The following TAX1BP1 variants were observed in gnomAD, a reference collection of about 807,000 sequenced individuals.
The protein encoded by TAX1BP1 is Tax1 binding protein 1.
In TAX1BP1, 62 loss-of-function variants were observed where a neutral mutation model predicts 97.7. The ratio of observed to expected loss-of-function variants is 0.63; its 90% CI spans 0.52 to 0.78. The LOEUF (loss-of-function observed/expected upper bound fraction) is 0.78. Among genes scored for constraint, TAX1BP1 ranks in the 30% least tolerant of loss-of-function variants. TAX1BP1 has a pLI of 0.00. For missense variants in TAX1BP1, 867 were observed against 916.1 expected, an observed-to-expected ratio of 0.95 and a Z score of 0.69; for synonymous variants, 340 against 304.2, an observed-to-expected ratio of 1.12 and a Z score of -1.23.
At chr7:27,753,660 A>G (rs1788102530) in intron 2 of TAX1BP1, among the ~76,000 whole-genome samples, 2 of 152,204 alleles carry the variant, frequency 1.3e-5, no homozygotes, top group South Asian at 4.1e-4. Context: ...AAATAGAACA[A>G]TTGTAACATG....
At chr7:27,817,803 T>G (rs1790834559) in intron 15 of TAX1BP1, among the ~76,000 whole-genome samples, 1 of 152,172 alleles carries the variant, frequency 6.6e-6, no homozygotes. Flanking sequence ...AAGAAATGCT[T>G]TATCGTGCTC....
rs201683008 is a variant in TAX1BP1, at chr7:27,770,360, CATT to C, written c.612+527_612+529del. Among the ~76,000 whole-genome samples the C allele has an allele frequency of 4.1e-3, 630 of 152,122 alleles. 4 individuals carry two copies. The highest frequency in any genetic ancestry group is 0.014 in the African/African-American group (599 of 41,540). On this transcript the variant is annotated intron_variant, in intron 5 of 16. Coordinates refer to ENST00000396319, the MANE Select transcript of TAX1BP1 (RefSeq NM_006024.7). ...GAGACAGGTACAATGAAGCAGAAAA[CATT>C]GTGGCTTCATTAGTGATAGAAATAG...
intron 5 of TAX1BP1, chr7:27,772,156 T>TG (rs954640008): frequency 2.0e-5 from 3 of 151,690 alleles, no homozygotes; most frequent in Admixed American, 2.0e-4. Flanking sequence ...CTTTTAGTTT[T>TG]TTTTTTTTTA....
intron 9 of TAX1BP1, 143 bp from the exon 10 acceptor site, chr7:27,792,923 C>G: frequency 1.5e-6 from 1 of 676,142 alleles, no homozygotes; most frequent in Non-Finnish European, 2.4e-6. Context: ...AATTGGGCCA[C>G]TGTGTTTCAG....
chr7:27,753,877 A>G (rs1292436323), intron 2 of TAX1BP1, among the ~76,000 whole-genome samples: 1 of 152,238 alleles, frequency 6.6e-6, no homozygotes, highest in African/African-American at 2.4e-5. Flanking sequence ...AAAACCACAC[A>G]AAGTGAAACC....
intron 13 of TAX1BP1, among the ~76,000 whole-genome samples, chr7:27,815,444 T>C (rs1790730933): frequency 6.6e-6 from 1 of 152,244 alleles, no homozygotes. Context: ...GATTTTTGGA[T>C]GTTGAACTGC....
intron 12 of TAX1BP1, among the ~76,000 whole-genome samples, chr7:27,797,611 A>G (rs1486073607): frequency 2.6e-5 from 4 of 152,132 alleles, no homozygotes; most frequent in African/African-American, 9.6e-5. Flanking sequence ...GCTTATAAAT[A>G]GCAAAATCTT....
intron 4 of TAX1BP1, among the ~76,000 whole-genome samples, chr7:27,768,807 T>C (rs1001489448): frequency 2.6e-5 from 4 of 152,010 alleles, no homozygotes; most frequent in African/African-American, 9.6e-5. Context: ...TCAACTTTGA[T>C]AAGAGCCATT....
At chr7:27,766,430 A>C (rs1788643654) in intron 4 of TAX1BP1, among the ~76,000 whole-genome samples, 2 of 18,378 alleles carry the variant, frequency 1.1e-4, no homozygotes, top group African/African-American at 1.7e-4. Flanking sequence ...AAAAAAAAAA[A>C]AAAAAAAAAA....
Position 27,745,000 on chromosome 7 carries a change from G to GT in TAX1BP1, c.-7-3517dup, listed in dbSNP as rs754447712. On this transcript the variant is annotated intron_variant, in intron 1 of 16. Transcript: ENST00000396319. ...TGGAAGAGGGCACTGTAGCCAGCAT[G>GT]TATAAGCATTTCTGATTTTGTTTCC... Among the ~76,000 whole-genome samples the GT allele has an allele frequency of 1.6e-4, 24 of 152,326 alleles. 1 individual carries two copies. In the East Asian group the frequency reaches 3.3e-3, roughly 21 times the overall value.
intron 5 of TAX1BP1, among the ~76,000 whole-genome samples, chr7:27,771,671 C>T (rs1193122462): frequency 1.3e-5 from 2 of 151,942 alleles, no homozygotes; most frequent in Non-Finnish European, 2.9e-5. Flanking sequence ...CCTTGGTGCT[C>T]AGAAGAGGTC....
chr7:27,792,671 TAAA>T (rs1483915653), intron 9 of TAX1BP1, among the ~76,000 whole-genome samples: 1 of 151,954 alleles, frequency 6.6e-6, no homozygotes, highest in Non-Finnish European at 1.5e-5. Flanking sequence ...AATCCCAAAA[TAAA>T]AAAGTGGCCG....
intron 3 of TAX1BP1, among the ~76,000 whole-genome samples, chr7:27,759,116 TTTC>T (rs1433770931): frequency 1.3e-5 from 2 of 152,172 alleles, no homozygotes; most frequent in African/African-American, 4.8e-5. Flanking sequence ...ATGTCATAGA[TTTC>T]TTTTGGTCTG....
chr7:27,762,281 A>G (rs1449036514), intron 3 of TAX1BP1, among the ~76,000 whole-genome samples: 2 of 152,146 alleles, frequency 1.3e-5, no homozygotes, highest in Non-Finnish European at 2.9e-5. Flanking sequence ...TTAGATAATA[A>G]AATTTAGGTG....
chr7:27,769,651 T>G, intron 4 of TAX1BP1, 25 bp from the exon 5 acceptor site: 2 of 1,558,674 alleles, frequency 1.3e-6, no homozygotes, highest in Non-Finnish European at 1.7e-6. Context: ...AAAAAACTAA[T>G]TAATCTGAGT....
At chr7:27,827,389 T>C (rs1406409569) in intron 15 of TAX1BP1, among the ~76,000 whole-genome samples, 1 of 151,768 alleles carries the variant, frequency 6.6e-6, no homozygotes, top group African/African-American at 2.4e-5. Context: ...TCACCCAGTC[T>C]GCAGAATGAT....
At chr7:27,812,891 A>G (rs1790612031) in intron 13 of TAX1BP1, among the ~76,000 whole-genome samples, 1 of 152,176 alleles carries the variant, frequency 6.6e-6, no homozygotes, top group Non-Finnish European at 1.5e-5. Flanking sequence ...TATATAAATA[A>G]AACTTTATTA....
At position 27,787,471 on chromosome 7, in the gene TAX1BP1, G is replaced by A. The variant is rs761955017; in HGVS notation, c.906G>A (p.Gln302=). ...ATACCAAGCTTATGTCAGAGGTCCAGACTTTAAAAAATTTAGATGGGAACA... is the reference window on the plus strand; with the variant it reads ...ATACCAAGCTTATGTCAGAGGTCCAAACTTTAAAAAATTTAGATGGGAACA... ...IENTKLMSEV[Q]TLKNLDGNKE... The change falls in exon 8 of 17, where the codon CAG becomes CAA. Residue 302 remains glutamine (Q), a synonymous_variant. Coordinates refer to ENST00000396319, the MANE Select transcript of TAX1BP1 (RefSeq NM_006024.7). 3.7e-6 allele frequency: 6 copies of A among 1,613,458 alleles called. No homozygotes were observed. The highest frequency in any genetic ancestry group is 5.1e-6 in the Non-Finnish European group (6 of 1,179,672).
intron 13 of TAX1BP1, among the ~76,000 whole-genome samples, chr7:27,813,513 C>G (rs951005790): frequency 2.6e-5 from 4 of 152,106 alleles, no homozygotes; most frequent in Non-Finnish European, 5.9e-5. Context: ...TGCCATCACA[C>G]CCAGCTAATT....
Sources: gnomAD v4.1 joint callset for allele counts (sites outside exome capture counted in the v4.1 genomes callset) on GRCh38, gnomAD v4.1.1 for gene constraint, MANE v1.5 for transcripts, NCBI Gene and HGNC (gene_info 2026-07-23, HGNC 2026-07-21) for gene names.